Variants in ATG7 observed in about 807,000 individuals in gnomAD.
The protein encoded by ATG7 is autophagy related 7.
ATG7 carries 70 observed loss-of-function variants against 82.4 expected under a neutral mutation model. The observed-to-expected ratio is 0.85, with a 90% CI of 0.70 to 1.04. The LOEUF is 1.04. ATG7 is among the 50% of genes least tolerant of loss of function. ATG7 has a pLI of 0.00. For missense variants in ATG7, 792 were observed against 864.3 expected (o/e 0.92, Z 1.05); for synonymous variants, 287 against 313.0 (o/e 0.92, Z 0.88).
At chr3:11,573,335 G>C in the ATG7 span, among the ~76,000 whole-genome samples, 1 of 64,078 alleles carries the variant, frequency 1.6e-5, no homozygotes. Context: ...AAGAAAGAAA[G>C]AAAGAAAGAA....
At chr3:11,562,564 C>T (rs1222256212), downstream of ATG7, among the ~76,000 whole-genome samples, 1 of 152,260 alleles carries the variant, frequency 6.6e-6, no homozygotes, top group African/African-American at 2.4e-5. Flanking sequence ...GACCTCGGAG[C>T]TGCTGGAGCA....
intron 19 of ATG7, among the ~76,000 whole-genome samples, chr3:11,421,705 G>A (rs2081956192): frequency 6.6e-6 from 1 of 152,150 alleles, no homozygotes; most frequent in Non-Finnish European, 1.5e-5. Context: ...TTTCCAGAAG[G>A]TTTTTAATTT....
intron 1 of ATG7, among the ~76,000 whole-genome samples, chr3:11,280,412 G>T (rs1037479687): frequency 2.0e-5 from 3 of 152,180 alleles, no homozygotes; most frequent in Non-Finnish European, 2.9e-5. Flanking sequence ...CGGAGAAGTT[G>T]AATGACTTGT....
rs1454396284 is a variant in ATG7 at position 11,331,386 on chromosome 3, G to C, written c.725G>C (p.Gly242Ala). 1.2e-6 allele frequency: 2 copies of C among 1,613,724 alleles called. No homozygotes were observed. The highest frequency in any genetic ancestry group is 8.5e-7 in the Non-Finnish European group (1 of 1,179,758). Reference sequence around the variant, plus strand: ...CCCTGTAACTTAGCCCAGTACCCTGGATGGCCTTTGAGGAATTTTTTGGTC... The same window carrying C: ...CCCTGTAACTTAGCCCAGTACCCTGCATGGCCTTTGAGGAATTTTTTGGTC... ...YDPCNLAQYP[G>A]WPLRNFLVLA... is the part of the protein sequence containing the mutation. The change falls in exon 10 of 21, where the codon GGA becomes GCA. Residue 242 changes from glycine to alanine, a missense_variant. By Grantham distance (60) the Gly-to-Ala change is moderately conservative (BLOSUM62 0). Coordinates refer to ENST00000693202, the MANE Select transcript of ATG7 (RefSeq NM_001349232.2).
chr3:11,535,018 A>G (rs2092763456), intron 20 of ATG7, among the ~76,000 whole-genome samples: 1 of 152,196 alleles, frequency 6.6e-6, no homozygotes, highest in African/African-American at 2.4e-5. Flanking sequence ...TGCTCCCTTA[A>G]TGGCCCCAGC....
chr3:11,479,039 C>CA, intron 20 of ATG7, among the ~76,000 whole-genome samples: 1 of 149,606 alleles, frequency 6.7e-6, no homozygotes, highest in East Asian at 2.0e-4. Context: ...CACACACACA[C>CA]AATTTTTTAC....
At chr3:11,354,650 C>CAAAAAAAA (rs5846706) in intron 14 of ATG7, among the ~76,000 whole-genome samples, 6 of 61,928 alleles carry the variant, frequency 9.7e-5, no homozygotes, top group Admixed American at 2.3e-4. Context: ...TCCATCTCAC[C>CAAAAAAAA]AAAAAAAAAA....
rs181436005 is a variant in ATG7 at position 11,552,627 on chromosome 3, C to T, written c.2080-2184C>T. 2.2e-3 allele frequency among the ~76,000 whole-genome samples: 332 copies of T among 152,278 alleles called. 1 individual carries two copies. Among genetic ancestry groups the T allele is most frequent in the African/African-American group, 7.7e-3 (321 of 41,558 alleles). On this transcript the variant is annotated intron_variant, in intron 20 of 20. Coordinates refer to ENST00000693202, the MANE Select transcript of ATG7 (RefSeq NM_001349232.2). ...GCCAGTGGAGAGCCCGTCCCTGCCC[C>T]AGAGATTCGCTCTGGAAAATCCCTG...
At chr3:11,360,908 C>G in intron 16 of ATG7, 124 bp downstream of exon 16, 1 of 1,117,246 alleles carries the variant, frequency 9.0e-7, no homozygotes, top group Non-Finnish European at 1.3e-6. Context: ...GAAGAATTCT[C>G]CAATTTGGGG....
intron 19 of ATG7, among the ~76,000 whole-genome samples, chr3:11,407,555 A>C (rs887968375): frequency 7.9e-5 from 12 of 152,218 alleles, no homozygotes; most frequent in East Asian, 5.8e-4. Flanking sequence ...ACACTGCCCT[A>C]GCAGAGGTTC....
chr3:11,422,740 CT>C (rs557755646), intron 19 of ATG7, among the ~76,000 whole-genome samples: 11 of 49,546 alleles, frequency 2.2e-4, no homozygotes, highest in African/African-American at 4.1e-4. Flanking sequence ...TCATTTCTAG[CT>C]TTTTTTTTTT....
intron 17 of ATG7, among the ~76,000 whole-genome samples, chr3:11,363,325 C>T (rs1415658098): frequency 4.6e-5 from 7 of 152,020 alleles, no homozygotes; most frequent in Admixed American, 3.9e-4. Flanking sequence ...TCACTGCAAC[C>T]TCTGCCTTCT....
chr3:11,415,316 C>G (rs1330032318), intron 19 of ATG7, among the ~76,000 whole-genome samples: 1 of 152,074 alleles, frequency 6.6e-6, no homozygotes, highest in Non-Finnish European at 1.5e-5. Context: ...CTGTGAAGGT[C>G]TAGGACATTT....
chr3:11,327,693 G>T (rs1338438506), intron 9 of ATG7, among the ~76,000 whole-genome samples: 6 of 152,214 alleles, frequency 3.9e-5, no homozygotes, highest in Non-Finnish European at 5.9e-5. Context: ...ACCTCTGGAG[G>T]TGGGACCCAG....
chr3:11,503,670 C>T lies in ATG7; in HGVS notation c.2080-51141C>T, dbSNP rs537669533. ...ACTCAGGAGGCTGAGGCAGGAGAAT[C>T]GCCGGAACCCAGGAGGCGGAGGTTG... On this transcript the variant is annotated intron_variant, in intron 20 of 20. Coordinates refer to ENST00000693202, the MANE Select transcript of ATG7 (RefSeq NM_001349232.2). 2.7e-5 allele frequency among the ~76,000 whole-genome samples: 4 copies of T among 148,880 alleles called. No homozygotes were observed. In the South Asian group the frequency reaches 8.6e-4, roughly 32 times the overall value.
At chr3:11,388,911 A>G (rs1390687625) in intron 19 of ATG7, among the ~76,000 whole-genome samples, 2 of 152,034 alleles carry the variant, frequency 1.3e-5, no homozygotes, top group South Asian at 2.1e-4. Context: ...TTACACACAC[A>G]GGCTTTATAC....
At chr3:11,296,452 C>G (rs1025138560) in intron 3 of ATG7, among the ~76,000 whole-genome samples, 4 of 152,152 alleles carry the variant, frequency 2.6e-5, no homozygotes, top group Admixed American at 2.6e-4. Context: ...GGGTCCCCTC[C>G]TTTTCACTTT....
At chr3:11,384,153 G>A (rs2078134071) in intron 19 of ATG7, among the ~76,000 whole-genome samples, 1 of 152,224 alleles carries the variant, frequency 6.6e-6, no homozygotes, top group Non-Finnish European at 1.5e-5. Context: ...GTACCCAGAA[G>A]TTGACCAAAA....
rs535214715 is a variant in ATG7, at chr3:11,431,699, G to A, written c.2079+4773G>A. 8.6e-4 allele frequency among the ~76,000 whole-genome samples: 131 copies of A among 152,300 alleles called. 1 individual carries two copies. The highest frequency in any genetic ancestry group is 8.3e-4 in the South Asian group (4 of 4,826). ...GTTTTTAAGGTTTATTCATGTTGTA[G>A]CAAGGTACGCAATTGTTTTTCATTT... On this transcript the variant is annotated intron_variant, in intron 20 of 20. Coordinates refer to ENST00000693202, the MANE Select transcript of ATG7 (RefSeq NM_001349232.2).
Sources: gnomAD v4.1 joint callset for allele counts (sites outside exome capture counted in the v4.1 genomes callset) on GRCh38, gnomAD v4.1.1 for gene constraint, MANE v1.5 for transcripts, NCBI Gene and HGNC (gene_info 2026-07-23, HGNC 2026-07-21) for gene names.